ZPLD1: variants seen among roughly 807,000 people sequenced by gnomAD.
The protein encoded by ZPLD1 is zona pellucida like domain containing 1, also known as zona pellucida-like domain-containing protein 1.
Under a neutral mutation model 47.2 loss-of-function variants are expected in ZPLD1, and 34 were observed. The ratio of observed to expected loss-of-function variants is 0.72; its 90% CI spans 0.55 to 0.96. The LOEUF (loss-of-function observed/expected upper bound fraction) is 0.96, where lower values mean the gene tolerates loss of function less well. ZPLD1 is among the 40% of genes least tolerant of loss of function. The pLI, the probability that ZPLD1 is intolerant of heterozygous loss-of-function variation, is 0.00. For missense variants in ZPLD1, 512 were observed against 505.8 expected, an observed-to-expected ratio of 1.01 and a Z score of -0.12; for synonymous variants, 176 against 186.2, an observed-to-expected ratio of 0.95 and a Z score of 0.45.
chr3:102,435,556 A>G (rs2087691695), intron 1 of ZPLD1, among the ~76,000 whole-genome samples: 1 of 152,000 alleles, frequency 6.6e-6, no homozygotes, highest in Non-Finnish European at 1.5e-5. Context: ...CTTGAAACTA[A>G]GTTTTCAATG....
At chr3:102,396,942 A>G (rs75608282) in intron 7 of ZPLD1, among the ~76,000 whole-genome samples, 1,850 of 152,214 alleles carry the variant, frequency 0.012, 38 homozygotes, top group African/African-American at 0.042. Flanking sequence ...TCATTTCTAA[A>G]ATGCAGATTT....
chr3:102,407,655 AAC>A (rs954495393), intron 7 of ZPLD1, among the ~76,000 whole-genome samples: 6 of 151,492 alleles, frequency 4.0e-5, no homozygotes, highest in African/African-American at 1.2e-4. Flanking sequence ...AGTAGTCATG[AAC>A]ACAGTCATGG....
At chr3:102,398,656 A>C (rs186685920) in intron 7 of ZPLD1, among the ~76,000 whole-genome samples, 2 of 152,270 alleles carry the variant, frequency 1.3e-5, no homozygotes, top group East Asian at 3.9e-4. Context: ...GCAATTACTG[A>C]CCATCTTCAA....
chr3:102,444,878 C>G (rs1272794636), intron 3 of ZPLD1, among the ~76,000 whole-genome samples: 1 of 151,884 alleles, frequency 6.6e-6, no homozygotes, highest in African/African-American at 2.4e-5. Flanking sequence ...TCACAGGAAT[C>G]TCTGCATCTG....
At chr3:102,433,580 T>G (rs1488429253), upstream of ZPLD1, among the ~76,000 whole-genome samples, 1 of 152,332 alleles carries the variant, frequency 6.6e-6, no homozygotes, top group African/African-American at 2.4e-5. Flanking sequence ...CAGGCTGGAG[T>G]GCAGTGGCGT....
rs186673045 is a variant in ZPLD1 at position 102,427,719 on chromosome 3, G to C, written c.-9+9512G>C. ...AATTCGTGACAGAATGAGAACCAGA[G>C]CCCAAACCTACAGTTATATTTATTC... On this transcript the variant is annotated intron_variant, in intron 8 of 17. Coordinates refer to the ZPLD1 transcript ENST00000491959. Among the ~76,000 whole-genome samples the C allele has an allele frequency of 2.6e-5, 4 of 152,218 alleles. No homozygotes were observed. In the East Asian group the frequency reaches 7.7e-4, roughly 29 times the overall value.
At chr3:102,415,633 T>G (rs1261002277) in intron 7 of ZPLD1, among the ~76,000 whole-genome samples, 1 of 151,846 alleles carries the variant, frequency 6.6e-6, no homozygotes, top group Middle Eastern at 3.2e-3. Context: ...GCTTTTCCCA[T>G]ATTGAAAAGG....
At chr3:102,467,186 A>C (rs1576165582) in intron 8 of ZPLD1, among the ~76,000 whole-genome samples, 1 of 152,140 alleles carries the variant, frequency 6.6e-6, no homozygotes, top group Non-Finnish European at 1.5e-5. Flanking sequence ...GATATCAAAA[A>C]CCAGAAAGTC....
chr3:102,428,851 C>T (rs1458866482), intron 8 of ZPLD1, among the ~76,000 whole-genome samples: 1 of 151,776 alleles, frequency 6.6e-6, no homozygotes, highest in Non-Finnish European at 1.5e-5. Flanking sequence ...AATAAAAAGA[C>T]TAACCGGTTA....
chr3:102,421,215 C>G (rs1180641046), intron 8 of ZPLD1, among the ~76,000 whole-genome samples: 2 of 151,986 alleles, frequency 1.3e-5, no homozygotes, highest in South Asian at 4.1e-4. Flanking sequence ...TACAACTACA[C>G]TATCTCTCAG....
intron 7 of ZPLD1, among the ~76,000 whole-genome samples, chr3:102,402,262 C>G (rs1353094170): frequency 6.6e-6 from 1 of 151,904 alleles, no homozygotes; most frequent in Non-Finnish European, 1.5e-5. Context: ...AATTTTAAAT[C>G]ACTTAAATAT....
At chr3:102,453,711 C>T (rs1409068253) in intron 4 of ZPLD1, among the ~76,000 whole-genome samples, 1 of 152,118 alleles carries the variant, frequency 6.6e-6, no homozygotes, top group African/African-American at 2.4e-5. Flanking sequence ...TCCAGTCTTA[C>T]CATGAAATCC....
chr3:102,453,258 C>T, intron 4 of ZPLD1, 119 bp downstream of exon 4: 1 of 921,000 alleles, frequency 1.1e-6, no homozygotes, highest in Non-Finnish European at 1.6e-6. Context: ...TTGAACAAAT[C>T]ACTTTCCTTT....
At chr3:102,389,074 T>C (rs1706467542) in intron 6 of ZPLD1, among the ~76,000 whole-genome samples, 1 of 152,202 alleles carries the variant, frequency 6.6e-6, no homozygotes. Flanking sequence ...CTTTCCTTTG[T>C]TGTTCACTTC....
chr3:102,433,641 A>T (rs1576143934), upstream of ZPLD1, among the ~76,000 whole-genome samples: 1 of 151,950 alleles, frequency 6.6e-6, no homozygotes, highest in Non-Finnish European at 1.5e-5. Flanking sequence ...CATTCTTCTG[A>T]CTCAGCCTCC....
intron 7 of ZPLD1, among the ~76,000 whole-genome samples, chr3:102,406,267 C>T (rs981575038): frequency 6.6e-6 from 1 of 151,864 alleles, no homozygotes; most frequent in Non-Finnish European, 1.5e-5. Flanking sequence ...AATAAACCTG[C>T]TGAGAAGGCT....
chr3:102,417,900 G>C (rs533371399), intron 7 of ZPLD1, among the ~76,000 whole-genome samples: 1 of 151,860 alleles, frequency 6.6e-6, no homozygotes, highest in South Asian at 2.1e-4. Context: ...AAAGAGAAAG[G>C]GAATGAAATG....
chr3:102,429,280 T>C (rs1253810584), intron 8 of ZPLD1, among the ~76,000 whole-genome samples: 1 of 152,198 alleles, frequency 6.6e-6, no homozygotes, highest in Non-Finnish European at 1.5e-5. Context: ...AATATTTGAT[T>C]AAAATTTTGC....
intron 6 of ZPLD1, among the ~76,000 whole-genome samples, chr3:102,459,048 C>T (rs1215215090): frequency 7.1e-6 from 1 of 141,572 alleles, no homozygotes; most frequent in African/African-American, 2.7e-5. Context: ...CGAGATAGCA[C>T]CACTGCACTC....
Sources: allele counts gnomAD v4.1 joint callset (sites outside exome capture counted in the v4.1 genomes callset), GRCh38; gene constraint gnomAD v4.1.1; transcripts MANE v1.5; gene names NCBI Gene and HGNC (gene_info 2026-07-23, HGNC 2026-07-21).